Variants in TMEM245 observed in about 807,000 individuals in gnomAD.
TMEM245 encodes protein CG-2.
In TMEM245, 69 loss-of-function variants were observed where a neutral mutation model predicts 101.2. The ratio of observed to expected loss-of-function variants is 0.68; its 90% CI spans 0.56 to 0.83. The LOEUF (loss-of-function observed/expected upper bound fraction) is 0.83, where lower values mean the gene tolerates loss of function less well. Ranked by LOEUF, TMEM245 falls within the 40% of genes least tolerant of loss-of-function variation. The probability of loss-of-function intolerance (pLI) is 0.00; values close to 1 mark genes in which losing one functional copy is unlikely to be tolerated. For synonymous variants in TMEM245, 537 were observed against 449.8 expected, an observed-to-expected ratio of 1.19 and a Z score of -2.45; for missense variants, 1,075 against 1,092.8, an observed-to-expected ratio of 0.98 and a Z score of 0.23.
Position 109,057,293 on chromosome 9 carries a change from T to G in TMEM245, c.1752A>C (p.Gly584=), listed in dbSNP as rs922558446. The change falls in exon 12 of 18, where the codon GGA becomes GGC. Residue 584 remains glycine, a synonymous_variant. Coordinates refer to ENST00000374586, the MANE Select transcript of TMEM245 (RefSeq NM_032012.4). ...KNVTHSGRHK[G]QKLHVSRQNS... Reference sequence around the variant, plus strand: ...TCTGACGACTGACATGCAACTTCTGTCCTTTGTGCCTTCCAGAGTGTGTTA... The same window carrying G: ...TCTGACGACTGACATGCAACTTCTGGCCTTTGTGCCTTCCAGAGTGTGTTA... 1 of 1,614,120 alleles carries G rather than the reference T, an allele frequency of 6.2e-7. No homozygotes were observed.
In TMEM245 at chr9:109,057,826, TA is replaced by T. The variant is rs1422028976; in HGVS notation, c.1723-505del. Among the ~76,000 whole-genome samples, 32 of 152,152 alleles carry T rather than the reference TA, an allele frequency of 2.1e-4. No homozygotes were observed. In the South Asian group the frequency reaches 2.5e-3, roughly 12 times the overall value. On this transcript the variant is annotated intron_variant, in intron 11 of 17. Coordinates refer to ENST00000374586, the MANE Select transcript of TMEM245 (RefSeq NM_032012.4). ...AAAATTCTTTTGTTTATATTCTAGG[TA>T]CCTTGTCTAAGTCTCGCTCCAGTGC...
At chr9:109,084,074 G>C (rs935070981) in intron 7 of TMEM245, among the ~76,000 whole-genome samples, 3 of 122,002 alleles carry the variant, frequency 2.5e-5, no homozygotes, top group Non-Finnish European at 3.5e-5. Context: ...GTGAGATCCT[G>C]TCTCAAATTT....
chr9:109,066,447 T>A (rs895380321), intron 9 of TMEM245, among the ~76,000 whole-genome samples: 1 of 54,976 alleles, frequency 1.8e-5, no homozygotes, highest in Non-Finnish European at 2.9e-5. Context: ...AGAGCAAGAC[T>A]GTCTCAAAAA....
At chr9:109,049,151 G>A (rs1045782626) in intron 14 of TMEM245, among the ~76,000 whole-genome samples, 2 of 152,198 alleles carry the variant, frequency 1.3e-5, no homozygotes, top group African/African-American at 4.8e-5. Context: ...GATGGAGATA[G>A]ACCATTACAT....
chr9:109,098,843 A>G (rs1232911407), intron 3 of TMEM245, among the ~76,000 whole-genome samples: 1 of 152,220 alleles, frequency 6.6e-6, no homozygotes, highest in Non-Finnish European at 1.5e-5. Context: ...CAAGCATGCT[A>G]CTGACATTAG....
At chr9:109,070,531 C>A (rs573867034) in intron 9 of TMEM245, among the ~76,000 whole-genome samples, 67 of 152,286 alleles carry the variant, frequency 4.4e-4, no homozygotes, top group African/African-American at 1.5e-3. Context: ...CAGTTCAGGG[C>A]TTTGTCACTT....
In TMEM245 at chr9:109,106,393, G is replaced by A. The variant is rs957061720; in HGVS notation, c.799+115C>T. The A allele has an allele frequency of 5.3e-6, 3 of 563,014 alleles. No homozygotes were observed. In the African/African-American group the frequency reaches 5.7e-5, roughly 11 times the overall value. The allele number at this position is 563,014 out of a possible 1,614,324, so 34.9% of individuals were successfully genotyped here. A position where few individuals can be genotyped will look rare whatever the true frequency, so the allele number is the denominator to read the frequency against. On this transcript the variant is annotated intron_variant, in intron 3 of 17. Transcript: ENST00000374586. The stretch of plus-strand genomic sequence containing the variant: ...TTTTAAACAATTTATTTTCCACTCA[G>A]AAACCATCATAGGTTTTTAAATAGA...
intron 5 of TMEM245, among the ~76,000 whole-genome samples, chr9:109,090,548 C>T (rs1193658952): frequency 6.6e-6 from 1 of 151,750 alleles, no homozygotes. Flanking sequence ...TGGTGAAACG[C>T]TGTCTCTACT....
intron 3 of TMEM245, among the ~76,000 whole-genome samples, chr9:109,103,866 A>G (rs1441337132): frequency 1.3e-5 from 2 of 152,062 alleles, no homozygotes; most frequent in Non-Finnish European, 2.9e-5. Flanking sequence ...CAGGCGGACC[A>G]CCAGAGATCA....
chr9:109,112,315 C>T (rs528407068), intron 1 of TMEM245, among the ~76,000 whole-genome samples: 1 of 151,952 alleles, frequency 6.6e-6, no homozygotes, highest in South Asian at 2.1e-4. Context: ...CTGAGGCGGG[C>T]AGATCACATG....
chr9:109,090,581 G>C (rs796935273), intron 5 of TMEM245, among the ~76,000 whole-genome samples: 1 of 151,812 alleles, frequency 6.6e-6, no homozygotes, highest in Non-Finnish European at 1.5e-5. Flanking sequence ...AAAATTAGCC[G>C]GGTGTGGTGG....
intron 16 of TMEM245, 48 bp downstream of exon 16, chr9:109,036,157 CG>C: frequency 1.5e-6 from 2 of 1,301,066 alleles, no homozygotes; most frequent in Non-Finnish European, 2.0e-6. Context: ...AAAAAAAAAA[CG>C]GAAATGCCTG....
chr9:109,083,118 A>T (rs1312102334), intron 7 of TMEM245, among the ~76,000 whole-genome samples: 1 of 152,096 alleles, frequency 6.6e-6, no homozygotes, highest in Non-Finnish European at 1.5e-5. Context: ...AAGCAAAAAA[A>T]AAATGGGGGC....
intron 10 of TMEM245, among the ~76,000 whole-genome samples, chr9:109,063,406 C>T (rs1293168973): frequency 6.6e-6 from 1 of 152,210 alleles, no homozygotes; most frequent in African/African-American, 2.4e-5. Context: ...TAGGCGTGAG[C>T]CACCACGGCC....
At chr9:109,032,828 A>G (rs7865644) in intron 17 of TMEM245, among the ~76,000 whole-genome samples, 1 of 80,344 alleles carries the variant, frequency 1.2e-5, no homozygotes, top group Non-Finnish European at 2.7e-5. Context: ...TTTTTTTTTT[A>G]TATGCTGTTG....
At chr9:109,094,899 G>A (rs1223868284) in intron 3 of TMEM245, among the ~76,000 whole-genome samples, 1 of 152,098 alleles carries the variant, frequency 6.6e-6, no homozygotes, top group Non-Finnish European at 1.5e-5. Context: ...CCTTCAGAAA[G>A]CCGATGAATT....
intron 15 of TMEM245, 147 bp from the exon 16 acceptor site, chr9:109,036,527 CCTAT>C (rs1828127672): frequency 4.0e-6 from 3 of 750,696 alleles, no homozygotes; most frequent in East Asian, 5.8e-5. Flanking sequence ...AATGATATGC[CCTAT>C]CTAACTGAAT....
intron 17 of TMEM245, among the ~76,000 whole-genome samples, chr9:109,021,488 GTTGGTTT>G (rs370283380): frequency 0.17 from 22,404 of 133,860 alleles, 1,862 homozygotes; most frequent in African/African-American, 0.21. Flanking sequence ...TGACTTTACA[GTTGGTTT>G]TTTGTTTGTT....
At chr9:109,037,940 G>A (rs1828184222) in intron 15 of TMEM245, 77 bp downstream of exon 15, 2 of 1,191,074 alleles carry the variant, frequency 1.7e-6, no homozygotes, top group Admixed American at 2.6e-5. Flanking sequence ...TGAGGAAGTA[G>A]ACATTTCCTA....
Sources: allele counts gnomAD v4.1 joint callset (sites outside exome capture counted in the v4.1 genomes callset), GRCh38; gene constraint gnomAD v4.1.1; transcripts MANE v1.5; gene names NCBI Gene and HGNC (gene_info 2026-07-23, HGNC 2026-07-21).